Variants in SRGAP3 observed in about 807,000 individuals in gnomAD.
SRGAP3 encodes SLIT-ROBO Rho GTPase activating protein 3.
SRGAP3 carries 39 observed loss-of-function variants against 121.1 expected under a neutral mutation model. That is an observed-to-expected ratio of 0.32 (90% CI 0.25 to 0.42). The LOEUF (loss-of-function observed/expected upper bound fraction) is 0.42. Among genes scored for constraint, SRGAP3 ranks in the 10% least tolerant of loss-of-function variants. SRGAP3 has a pLI of 1.00. For synonymous variants in SRGAP3, 601 were observed against 570.0 expected (o/e 1.05, Z -0.77); for missense variants, 1,213 against 1,470.6 (o/e 0.82, Z 2.86).
At chr3:9,223,060 T>A (rs979087580) in intron 1 of SRGAP3, among the ~76,000 whole-genome samples, 5 of 152,140 alleles carry the variant, frequency 3.3e-5, no homozygotes, top group African/African-American at 1.2e-4. Context: ...ACTTAAAGAA[T>A]CATCTCCCAA....
At chr3:9,340,658 C>T (rs539103889) in intron 1 of SRGAP3, among the ~76,000 whole-genome samples, 2 of 149,762 alleles carry the variant, frequency 1.3e-5, no homozygotes, top group East Asian at 3.9e-4. Context: ...AACCAACATC[C>T]AGTAGTTTTT....
At chr3:9,029,353 C>A (rs1229836383) in intron 12 of SRGAP3, among the ~76,000 whole-genome samples, 1 of 152,178 alleles carries the variant, frequency 6.6e-6, no homozygotes, top group South Asian at 2.1e-4. Context: ...ACCTCCTGGG[C>A]TTCAAAATTG....
intron 1 of SRGAP3, among the ~76,000 whole-genome samples, chr3:9,241,014 C>A (rs183369730): frequency 6.6e-6 from 1 of 152,234 alleles, no homozygotes; most frequent in Non-Finnish European, 1.5e-5. Flanking sequence ...CTGAAGGAAC[C>A]CCTTGTTGCC....
At chr3:9,012,645 A>C (rs1943432768) in intron 17 of SRGAP3, among the ~76,000 whole-genome samples, 1 of 152,138 alleles carries the variant, frequency 6.6e-6, no homozygotes. Context: ...AGGTGAGAGG[A>C]GACAAGGGTA....
intron 1 of SRGAP3, among the ~76,000 whole-genome samples, chr3:9,222,950 G>A (rs1015523472): frequency 6.6e-6 from 1 of 152,220 alleles, no homozygotes; most frequent in East Asian, 1.9e-4. Context: ...CATACCCTGA[G>A]CAAGATATTC....
At chr3:9,351,401 C>T (rs1575028396) in intron 1 of SRGAP3, among the ~76,000 whole-genome samples, 2 of 152,164 alleles carry the variant, frequency 1.3e-5, no homozygotes, top group East Asian at 3.9e-4. Flanking sequence ...GGCTAAATAT[C>T]CTTTTGCAAG....
intron 1 of SRGAP3, among the ~76,000 whole-genome samples, chr3:9,178,066 G>A (rs926963389): frequency 4.3e-4 from 65 of 152,084 alleles, no homozygotes; most frequent in African/African-American, 1.6e-3. Flanking sequence ...CCAGGAGTTC[G>A]AGATCAGCCT....
At chr3:9,350,945 T>C (rs2030104309) in intron 1 of SRGAP3, among the ~76,000 whole-genome samples, 1 of 152,188 alleles carries the variant, frequency 6.6e-6, no homozygotes. Flanking sequence ...GGTTGGCAGG[T>C]GAGTTCTGGG....
intron 1 of SRGAP3, among the ~76,000 whole-genome samples, chr3:9,343,635 T>C (rs1344343304): frequency 6.6e-6 from 1 of 152,230 alleles, no homozygotes; most frequent in Non-Finnish European, 1.5e-5. Context: ...TACATCTTTA[T>C]ATTAAAAAGA....
At chr3:9,334,115 G>GT (rs1190211106) in intron 1 of SRGAP3, among the ~76,000 whole-genome samples, 4 of 151,898 alleles carry the variant, frequency 2.6e-5, no homozygotes, top group Admixed American at 6.6e-5. Context: ...GATGATTGCT[G>GT]TAAGAGTCAA....
At chr3:9,146,957 C>G (rs1247103585) in intron 1 of SRGAP3, among the ~76,000 whole-genome samples, 1 of 152,240 alleles carries the variant, frequency 6.6e-6, no homozygotes, top group East Asian at 1.9e-4. Flanking sequence ...AGAAATGGAC[C>G]CCCTCCACGC....
intron 1 of SRGAP3, among the ~76,000 whole-genome samples, chr3:9,165,531 G>T (rs992921272): frequency 5.9e-5 from 9 of 152,210 alleles, no homozygotes; most frequent in African/African-American, 2.2e-4. Flanking sequence ...CTGCCTCACA[G>T]GCTTAGCTCT....
At chr3:9,314,601 C>T (rs1172687666) in intron 3 of SRGAP3, among the ~76,000 whole-genome samples, 1 of 151,606 alleles carries the variant, frequency 6.6e-6, no homozygotes, top group Non-Finnish European at 1.5e-5. Flanking sequence ...AGTTTTTTGT[C>T]TTACTATAGC....
intron 3 of SRGAP3, among the ~76,000 whole-genome samples, chr3:9,085,369 T>C (rs919732329): frequency 1.3e-5 from 2 of 152,214 alleles, no homozygotes; most frequent in African/African-American, 2.4e-5. Context: ...GGTGGGAGTG[T>C]AAATTAGTTC....
At chr3:9,324,879 C>G (rs1955492270) in intron 3 of SRGAP3, among the ~76,000 whole-genome samples, 1 of 151,644 alleles carries the variant, frequency 6.6e-6, no homozygotes, top group Non-Finnish European at 1.5e-5. Flanking sequence ...ATGGCATGAA[C>G]CCGGGAGGCG....
At chr3:9,204,996 T>C (rs1411316193) in intron 1 of SRGAP3, among the ~76,000 whole-genome samples, 2 of 152,194 alleles carry the variant, frequency 1.3e-5, no homozygotes, top group Admixed American at 6.5e-5. Flanking sequence ...TGATCACCAT[T>C]TAGACTACAG....
chr3:9,331,305 A>G (rs1020818724), intron 1 of SRGAP3, among the ~76,000 whole-genome samples: 5 of 152,202 alleles, frequency 3.3e-5, no homozygotes, highest in Admixed American at 3.3e-4. Flanking sequence ...AATCCTCACA[A>G]TTTATGTAAG....
chr3:8,989,093 C>T (rs1941893534), intron 21 of SRGAP3, among the ~76,000 whole-genome samples: 2 of 152,236 alleles, frequency 1.3e-5, no homozygotes, highest in African/African-American at 4.8e-5. Flanking sequence ...GTATTCCCTA[C>T]CCACTCCCTA....
chr3:9,084,860 A>C (rs1262349190), intron 3 of SRGAP3, among the ~76,000 whole-genome samples: 1 of 152,118 alleles, frequency 6.6e-6, no homozygotes, highest in Admixed American at 6.5e-5. Flanking sequence ...ATCAAGCCCC[A>C]GTTCCTTAGC....
Sources: allele counts gnomAD v4.1 joint callset (sites outside exome capture counted in the v4.1 genomes callset), GRCh38; gene constraint gnomAD v4.1.1; transcripts MANE v1.5; gene names NCBI Gene and HGNC (gene_info 2026-07-23, HGNC 2026-07-21).